The following COL5A1 variants were observed in gnomAD, a reference collection of about 807,000 sequenced individuals.
The protein encoded by COL5A1 is collagen type V alpha 1 chain.
In COL5A1, 16 loss-of-function variants were observed where a neutral mutation model predicts 263.7. The observed-to-expected ratio is 0.06, with a 90% CI of 0.04 to 0.09. COL5A1 has a LOEUF of 0.09. Ranked by LOEUF, COL5A1 falls within the 10% of genes least tolerant of loss-of-function variation. The probability of loss-of-function intolerance (pLI) is 1.00; values close to 1 mark genes in which losing one functional copy is unlikely to be tolerated. For missense variants in COL5A1, 2,036 were observed against 2,540.5 expected (o/e 0.80, Z 4.27); for synonymous variants, 1,012 against 1,004.5 (o/e 1.01, Z -0.14).
At chr9:134,780,841 A>T (rs1464344318) in intron 28 of COL5A1, among the ~76,000 whole-genome samples, 1 of 151,990 alleles carries the variant, frequency 6.6e-6, no homozygotes, top group African/African-American at 2.4e-5. Context: ...CCCAGTTATG[A>T]CACAGATTTA....
Position 134,842,241 on chromosome 9 carries a change from G to T in COL5A1, c.5455G>T (p.Asp1819Tyr). ...GCCCATCGTGGACATCATGTTCAAT[G>T]ACTTCGGTGAAGCGTCACAGAAATT... is the stretch of plus-strand genomic sequence containing the variant. ...QVPIVDIMFN[D>Y]FGEASQKFGF... The change falls in exon 66 of 66, where the codon GAC (aspartate) becomes TAC (tyrosine). Residue 1819 changes from aspartate (D) to tyrosine (Y), a missense_variant. By Grantham distance (160) the Asp-to-Tyr change is radical. This residue lies in a region of COL5A1 where 358 missense variants were observed against 384.6 expected (regional missense o/e 0.93). Transcript: ENST00000371817. This position sits in a 1 kb window ranked among gnomAD's most constrained non-coding sequence, Gnocchi z 5.8. 1 of 1,614,218 alleles carries T rather than the reference G, an allele frequency of 6.2e-7. No homozygotes were observed. Among genetic ancestry groups the T allele is most frequent in the Non-Finnish European group, 8.5e-7 (1 of 1,180,040 alleles).
intron 2 of COL5A1, among the ~76,000 whole-genome samples, chr9:134,692,770 A>G (rs527706465): frequency 5.3e-5 from 8 of 152,308 alleles, no homozygotes; most frequent in Admixed American, 3.9e-4. Context: ...CGGGCTAATT[A>G]TTGGATAAAT....
intron 32 of COL5A1, among the ~76,000 whole-genome samples, chr9:134,790,529 T>C (rs1337793907): frequency 1.4e-5 from 1 of 69,430 alleles, no homozygotes; most frequent in Non-Finnish European, 2.7e-5. Flanking sequence ...CATCCATCCA[T>C]CCACCCACCC....
rs1324295712 is a variant in COL5A1, at chr9:134,755,821, G to A, written c.1828-944G>A. On this transcript the variant is annotated intron_variant, in intron 16 of 65. Coordinates refer to ENST00000371817, the MANE Select transcript of COL5A1 (RefSeq NM_000093.5). The surrounding 1 kb of genome is among the most constrained non-coding windows in gnomAD (Gnocchi z 4.1). Reference sequence around the variant, plus strand: ...CTCTTTTTGCTTCTCGGCTGTTCTCGGGTGCCACCTTGTCTGTCTCCAGTG... The same window carrying A: ...CTCTTTTTGCTTCTCGGCTGTTCTCAGGTGCCACCTTGTCTGTCTCCAGTG... Among the ~76,000 whole-genome samples, 3 of 152,116 alleles carry A rather than the reference G, an allele frequency of 2.0e-5. No homozygotes were observed. The highest frequency in any genetic ancestry group is 2.1e-4 in the South Asian group (1 of 4,832).
rs117234171 is a variant in COL5A1, at chr9:134,664,132, A to C, written c.109+21836A>C. Among the ~76,000 whole-genome samples the C allele has an allele frequency of 3.5e-4, 54 of 152,356 alleles. 1 individual carries two copies. The highest frequency in any genetic ancestry group is 5.2e-4 in the Admixed American group (8 of 15,308). ...ATGTTGGCTGGGAAAGACAGGATTC[A>C]TCATTGAACTGGGCTAGAGTGTTGC... is the stretch of plus-strand genomic sequence containing the variant. On this transcript the variant is annotated intron_variant, in intron 1 of 65. Coordinates refer to ENST00000371817, the MANE Select transcript of COL5A1 (RefSeq NM_000093.5).
rs1831530619 is a variant in COL5A1 at position 134,647,920 on chromosome 9, T to C, written c.109+5624T>C. ...CCACAGCGGCCCTTGTGGTGGTTACTACTGAGTGTCAATTTGATTGGATTG... is the reference window on the plus strand; with the variant it reads ...CCACAGCGGCCCTTGTGGTGGTTACCACTGAGTGTCAATTTGATTGGATTG... On this transcript the variant is annotated intron_variant, in intron 1 of 65. Coordinates refer to ENST00000371817, the MANE Select transcript of COL5A1 (RefSeq NM_000093.5). The surrounding 1 kb of genome is among the most constrained non-coding windows in gnomAD (Gnocchi z 5.0). 6.6e-6 allele frequency among the ~76,000 whole-genome samples: 1 copy of C among 152,192 alleles called. No individual in the cohort carries two copies. The highest frequency in any genetic ancestry group is 2.4e-5 in the African/African-American group (1 of 41,440).
chr9:134,753,766 G>GGCCCCCC, intron 14 of COL5A1, 84 bp from the exon 15 acceptor site: 1 of 615,308 alleles, frequency 1.6e-6, no homozygotes, highest in Non-Finnish European at 3.0e-6. Flanking sequence ...CCCTCCCCCT[G>GGCCCCCC]CCCCTCCCCT....
chr9:134,723,937 C>A (rs1193796610), intron 4 of COL5A1, among the ~76,000 whole-genome samples: 2 of 152,178 alleles, frequency 1.3e-5, no homozygotes, highest in African/African-American at 4.8e-5. Context: ...GTTGGGGTCA[C>A]CCACGATAAC....
At chr9:134,750,107 C>G (rs1445319577) in intron 11 of COL5A1, among the ~76,000 whole-genome samples, 1 of 152,228 alleles carries the variant, frequency 6.6e-6, no homozygotes, top group Non-Finnish European at 1.5e-5. Context: ...CCATTAAGGA[C>G]AAGTGCCCAC....
At chr9:134,771,845 T>G (rs1433711503) in intron 25 of COL5A1, among the ~76,000 whole-genome samples, 1 of 152,214 alleles carries the variant, frequency 6.6e-6, no homozygotes, top group Non-Finnish European at 1.5e-5. Flanking sequence ...GCCTCTTTCC[T>G]GGAATCCTCG....
At chr9:134,719,416 A>G (rs1018440799) in intron 4 of COL5A1, among the ~76,000 whole-genome samples, 2 of 152,216 alleles carry the variant, frequency 1.3e-5, no homozygotes, top group Admixed American at 6.5e-5. Flanking sequence ...TACCGGACAC[A>G]TGCACGCACA....
rs200044268 is a variant in COL5A1 at position 134,750,659 on chromosome 9, A to G, written c.1569+43A>G. 6.2e-6 allele frequency: 10 copies of G among 1,605,168 alleles called. No homozygotes were observed. In the East Asian group the frequency reaches 2.0e-4, roughly 32 times the overall value. Reference sequence around the variant, plus strand: ...TCGGAGGTGGGGAGGCAGCTGGGGCAGGTGGGATCCAAACCAGACCCTCTG... The same window carrying G: ...TCGGAGGTGGGGAGGCAGCTGGGGCGGGTGGGATCCAAACCAGACCCTCTG... On this transcript the variant is annotated intron_variant, in intron 12 of 65. Coordinates refer to ENST00000371817, the MANE Select transcript of COL5A1 (RefSeq NM_000093.5).
At chr9:134,679,437 T>G (rs1278071054) in intron 1 of COL5A1, among the ~76,000 whole-genome samples, 6 of 9,186 alleles carry the variant, frequency 6.5e-4, no homozygotes, top group African/African-American at 8.7e-4. Context: ...GGGGGCACTG[T>G]GGGGCTGGTT....
intron 1 of COL5A1, among the ~76,000 whole-genome samples, chr9:134,676,582 T>A (rs1400934004): frequency 1.2e-5 from 1 of 80,440 alleles, no homozygotes; most frequent in Non-Finnish European, 2.4e-5. Flanking sequence ...TGCATTGAGA[T>A]CCTGCAAAAT....
intron 4 of COL5A1, among the ~76,000 whole-genome samples, chr9:134,702,322 T>C (rs1016566418): frequency 2.0e-5 from 3 of 152,188 alleles, no homozygotes; most frequent in Admixed American, 6.5e-5. Flanking sequence ...GGCTCTGGGA[T>C]TTCCTCCTCC....
rs1839547284 is a variant in COL5A1 at position 134,830,176 on chromosome 9, G to A, written c.5136+132G>A. The A allele has an allele frequency of 7.5e-6, 12 of 1,609,014 alleles. No individual in the cohort carries two copies. The highest frequency in any genetic ancestry group is 1.0e-5 in the Non-Finnish European group (12 of 1,177,832). On this transcript the variant is annotated intron_variant, in intron 64 of 65. Coordinates refer to ENST00000371817, the MANE Select transcript of COL5A1 (RefSeq NM_000093.5). ...ATAGTCAGTACAAGCGGGGGTCCCT[G>A]GTAAGTGGCCACCTCGGCCCGGCCA... is the stretch of plus-strand genomic sequence containing the variant.
intron 65 of COL5A1, among the ~76,000 whole-genome samples, 172 bp downstream of exon 65, chr9:134,835,376 G>A (rs1839817353): frequency 6.6e-6 from 1 of 152,254 alleles, no homozygotes; most frequent in South Asian, 2.1e-4. Flanking sequence ...GGAATCCCAG[G>A]CCTATGCAGC....
chr9:134,774,541 G>T (rs536606521), intron 26 of COL5A1, among the ~76,000 whole-genome samples: 12 of 152,218 alleles, frequency 7.9e-5, no homozygotes, highest in Non-Finnish European at 1.8e-4. Flanking sequence ...AACACTCCTT[G>T]CAGAGCTCCA....
At position 134,789,314 on chromosome 9, in the gene COL5A1, T is replaced by C. The variant is rs1381784442; in HGVS notation, c.2700+106T>C. 1.1e-6 allele frequency: 1 copy of C among 914,838 alleles called. No individual in the cohort carries two copies. The highest frequency in any genetic ancestry group is 1.7e-6 in the Non-Finnish European group (1 of 571,944). 56.7% of individuals were successfully genotyped at this position (914,838 alleles called of 1,614,324 possible). On this transcript the variant is annotated intron_variant, in intron 32 of 65. Transcript: ENST00000371817. This position sits in a 1 kb window ranked among gnomAD's most constrained non-coding sequence, Gnocchi z 4.8. ...TGTTTATTTCTCACTCTCTTGCTTC[T>C]GAAACTGCTCTCCTGAATGGCTGGC...
Sources: allele counts gnomAD v4.1 joint callset (sites outside exome capture counted in the v4.1 genomes callset), GRCh38; gene constraint gnomAD v4.1.1; regional missense constraint gnomAD v4.1.1; non-coding constraint Gnocchi (gnomAD v3.1); transcripts MANE v1.5; gene names NCBI Gene and HGNC (gene_info 2026-07-23, HGNC 2026-07-21).